CCDC141: variants seen among roughly 807,000 people sequenced by gnomAD.
CCDC141 encodes the protein coiled-coil domain-containing protein 141.
Under a neutral mutation model 181.0 loss-of-function variants are expected in CCDC141, and 168 were observed. The observed-to-expected ratio is 0.93, with a 90% confidence interval of 0.82 to 1.05. The LOEUF (loss-of-function observed/expected upper bound fraction) is 1.05, where lower values mean the gene tolerates loss of function less well. Ranked by LOEUF, CCDC141 falls within the 50% of genes least tolerant of loss-of-function variation. CCDC141 has a pLI of 0.00. For missense variants in CCDC141, 1,902 were observed against 1,788.5 expected, an observed-to-expected ratio of 1.06 and a Z score of -1.14; for synonymous variants, 666 against 642.3, an observed-to-expected ratio of 1.04 and a Z score of -0.56.
intron 6 of CCDC141, among the ~76,000 whole-genome samples, chr2:178,944,316 T>C (rs1689641272): frequency 2.0e-5 from 3 of 152,154 alleles, no homozygotes; most frequent in Admixed American, 6.5e-5. Flanking sequence ...CAGAAAAATA[T>C]AGTTATTGTT....
chr2:178,885,060 T>C lies in CCDC141; in HGVS notation c.1560A>G (p.Lys520=). Residue 520 remains lysine, a synonymous_variant, in exon 11 of 24, where the codon AAA becomes AAG. Transcript: ENST00000443758. The part of the protein sequence containing the change: ...ETSHELEAAA[K]TMMEKNEFVS... ...CAAATTCATTTTTCTCCATCATGGT[T>C]TTTGCAGCTGCTTCTAATTCATGTG... 1 of 1,550,210 alleles carries C rather than the reference T, an allele frequency of 6.5e-7. No homozygotes were observed. The highest frequency in any genetic ancestry group is 8.7e-7 in the Non-Finnish European group (1 of 1,146,718).
intron 12 of CCDC141, chr2:178,876,134 C>G (rs1409755727): frequency 1.3e-5 from 2 of 151,964 alleles, no homozygotes; most frequent in Non-Finnish European, 2.9e-5. Flanking sequence ...AAAGTTGAAA[C>G]AAGATAAAGA....
intron 8 of CCDC141, 67 bp from the exon 9 acceptor site, chr2:178,888,735 G>C: frequency 2.0e-6 from 3 of 1,512,322 alleles, no homozygotes; most frequent in Non-Finnish European, 2.7e-6. Context: ...TTTGAAAACA[G>C]ATCTGCTCTC....
chr2:179,032,248 T>C (rs745947452), intron 2 of CCDC141, among the ~76,000 whole-genome samples: 1 of 152,092 alleles, frequency 6.6e-6, no homozygotes, highest in Non-Finnish European at 1.5e-5. Flanking sequence ...GCAATGTGAA[T>C]TCATTCCAAG....
chr2:178,883,741 G>T (rs1686737672), intron 11 of CCDC141, among the ~76,000 whole-genome samples: 1 of 152,118 alleles, frequency 6.6e-6, no homozygotes, highest in Non-Finnish European at 1.5e-5. Flanking sequence ...TTTGCATGGG[G>T]ATTACTAGGA....
At chr2:178,925,272 G>A (rs1373078255) in intron 6 of CCDC141, among the ~76,000 whole-genome samples, 1 of 152,120 alleles carries the variant, frequency 6.6e-6, no homozygotes, top group Non-Finnish European at 1.5e-5. Flanking sequence ...AGTTCATTCA[G>A]ATATTTTTAA....
At chr2:178,940,432 C>T (rs1048621561) in intron 6 of CCDC141, among the ~76,000 whole-genome samples, 8 of 152,144 alleles carry the variant, frequency 5.3e-5, no homozygotes, top group Admixed American at 2.0e-4. Flanking sequence ...AAACACGTAA[C>T]TCTGTATTTT....
At chr2:178,843,570 T>C (rs567739767) in intron 22 of CCDC141, among the ~76,000 whole-genome samples, 25 of 152,304 alleles carry the variant, frequency 1.6e-4, no homozygotes, top group Middle Eastern at 3.4e-3. Context: ...TTTTTGGGTC[T>C]GAAAAATGAG....
intron 6 of CCDC141, among the ~76,000 whole-genome samples, chr2:178,929,941 C>T (rs934401160): frequency 5.3e-5 from 8 of 152,026 alleles, no homozygotes; most frequent in Admixed American, 1.3e-4. Context: ...TTGAGAAGCT[C>T]TGGTCTAGAA....
chr2:179,026,489 T>C (rs998333106), intron 2 of CCDC141, among the ~76,000 whole-genome samples: 2 of 152,192 alleles, frequency 1.3e-5, no homozygotes, highest in Non-Finnish European at 2.9e-5. Context: ...TCAGAGGATG[T>C]ATGGAAACAC....
At chr2:178,824,974 A>G (rs1684099321), downstream of CCDC141, among the ~76,000 whole-genome samples, 1 of 152,228 alleles carries the variant, frequency 6.6e-6, no homozygotes, top group South Asian at 2.1e-4. Flanking sequence ...TTTAAGTAAT[A>G]AAGTACAATG....
At chr2:178,919,766 T>C (rs1575217371) in intron 6 of CCDC141, among the ~76,000 whole-genome samples, 2 of 152,206 alleles carry the variant, frequency 1.3e-5, no homozygotes, top group Non-Finnish European at 1.5e-5. Flanking sequence ...ACAAAGGTAA[T>C]TGTGGTTTTT....
intron 12 of CCDC141, chr2:178,876,124 A>C (rs1169998914): frequency 2.0e-5 from 3 of 152,188 alleles, no homozygotes; most frequent in African/African-American, 7.2e-5. Context: ...TCAAACAACA[A>C]AAGTTGAAAC....
chr2:178,940,691 T>C lies in CCDC141; in HGVS notation c.897+3844A>G, dbSNP rs970319407. Among the ~76,000 whole-genome samples the C allele has an allele frequency of 2.0e-5, 3 of 152,184 alleles. No homozygotes were observed. The East Asian group carries it at 5.8e-4, about 29-fold the overall frequency. ...AAAAAACCTAAAAGGATGCTTCTTCTTCACAACGTAAAAGACTTACTACAC... is the reference window on the plus strand; with the variant it reads ...AAAAAACCTAAAAGGATGCTTCTTCCTCACAACGTAAAAGACTTACTACAC... On this transcript the variant is annotated intron_variant, in intron 6 of 23. Transcript: ENST00000443758.
At chr2:178,894,248 T>A (rs1164895326) in intron 8 of CCDC141, among the ~76,000 whole-genome samples, 1 of 152,110 alleles carries the variant, frequency 6.6e-6, no homozygotes, top group African/African-American at 2.4e-5. Flanking sequence ...GATGCTGGAC[T>A]GAAGGTCCTA....
chr2:178,827,553 T>C (rs968755436), downstream of CCDC141, among the ~76,000 whole-genome samples: 1 of 152,194 alleles, frequency 6.6e-6, no homozygotes, highest in African/African-American at 2.4e-5. Context: ...TAGAACTCTT[T>C]GCACCATAGT....
At chr2:178,843,820 A>T (rs1489480) in intron 22 of CCDC141, among the ~76,000 whole-genome samples, 3 of 151,922 alleles carry the variant, frequency 2.0e-5, no homozygotes, top group Non-Finnish European at 4.4e-5. Flanking sequence ...ACAGACAATA[A>T]GAGGGTAAAT....
intron 3 of CCDC141, among the ~76,000 whole-genome samples, chr2:178,975,946 G>A (rs553636790): frequency 6.6e-6 from 1 of 152,260 alleles, no homozygotes; most frequent in South Asian, 2.1e-4. Context: ...TGACAAGTGA[G>A]AAATTTATTC....
At chr2:178,821,925 A>G in the CCDC141 span, among the ~76,000 whole-genome samples, 1 of 152,172 alleles carries the variant, frequency 6.6e-6, no homozygotes, top group East Asian at 1.9e-4. Context: ...CCAAAGGACT[A>G]TAAATCATGC....
Sources: allele counts gnomAD v4.1 joint callset (sites outside exome capture counted in the v4.1 genomes callset), GRCh38; gene constraint gnomAD v4.1.1; transcripts MANE v1.5; gene names NCBI Gene and HGNC (gene_info 2026-07-23, HGNC 2026-07-21).